Variants in DMD observed in about 807,000 individuals in gnomAD.
DMD encodes mutant dystrophin.
A neutral mutation model predicts 330.1 loss-of-function variants in DMD; 63 were observed. That is an observed-to-expected ratio of 0.19 (90% confidence interval 0.16 to 0.24). The LOEUF (loss-of-function observed/expected upper bound fraction) is 0.24, where lower values mean the gene tolerates loss of function less well. DMD is among the 10% of genes least tolerant of loss of function. The pLI is 1.00. For missense variants in DMD, 3,344 were observed against 2,684.1 expected, an observed-to-expected ratio of 1.25 and a Z score of -5.43; for synonymous variants, 1,223 against 959.8, an observed-to-expected ratio of 1.27 and a Z score of -5.07.
chrX:32,177,089 T>A (rs2096909138), intron 44 of DMD, among the ~76,000 whole-genome samples: 1 of 111,759 alleles, frequency 8.9e-6, no homozygotes. Flanking sequence ...CTAACCCCCG[T>A]CAATTACGTC....
intron 1 of DMD, among the ~76,000 whole-genome samples, chrX:33,056,657 C>T (rs948173179): frequency 1.8e-5 from 2 of 110,854 alleles, no homozygotes; most frequent in Non-Finnish European, 3.8e-5. Context: ...CCACCGCGCC[C>T]CGGCCCCCCT....
Position 31,223,058 on chromosome X carries a change from T to A in DMD, c.9350A>T (p.Lys3117Met). The A allele has an allele frequency of 1.7e-6, 2 of 1,209,674 alleles. No individual in the cohort carries two copies. Among genetic ancestry groups the A allele is most frequent in the Non-Finnish European group, 2.2e-6 (2 of 893,543 alleles). Residue 3117 changes from lysine to methionine, a missense_variant, in exon 64 of 79, where the codon AAG becomes ATG. Lys to Met is a moderately conservative substitution (Grantham distance 95, BLOSUM62 -1). Transcript: ENST00000357033. ...RTAMKLRRLQ[K>M]ALCLDLLSLS... ...TGGCCAATACTTACAGCAAAGGGCC[T>A]TCTGCAGTCTTCGGAGTTTCATGGC...
At chrX:31,963,633 G>T (rs916856522) in intron 45 of DMD, among the ~76,000 whole-genome samples, 2 of 110,737 alleles carry the variant, frequency 1.8e-5, no homozygotes, top group Admixed American at 9.7e-5. Context: ...TGAAAAAAAT[G>T]GGTAATTCTA....
At chrX:31,687,212 C>A (rs780306497) in intron 52 of DMD, among the ~76,000 whole-genome samples, 9 of 111,578 alleles carry the variant, frequency 8.1e-5, no homozygotes, top group African/African-American at 9.8e-5. Flanking sequence ...GATGTGCTGG[C>A]TTCATAGGTC....
chrX:31,246,885 C>T (rs373835169), intron 63 of DMD, among the ~76,000 whole-genome samples: 1 of 109,684 alleles, frequency 9.1e-6, no homozygotes, highest in Non-Finnish European at 1.9e-5. Context: ...AAGATCGTAC[C>T]ACTGCACTCC....
chrX:32,364,764 G>C, intron 35 of DMD, 54 bp from the exon 36 acceptor site: 1 of 1,151,789 alleles, frequency 8.7e-7, no homozygotes, highest in Non-Finnish European at 1.2e-6. Flanking sequence ...TATTCTTAAA[G>C]AATTTTTCCT....
intron 7 of DMD, among the ~76,000 whole-genome samples, chrX:32,704,098 T>A (rs2064379220): frequency 8.9e-6 from 1 of 111,896 alleles, no homozygotes; most frequent in Non-Finnish European, 1.9e-5. Context: ...TATTTGAGGA[T>A]ACTATGGAAC....
intron 18 of DMD, among the ~76,000 whole-genome samples, chrX:32,505,775 GATAA>G (rs1210440087): frequency 8.9e-6 from 1 of 111,858 alleles, no homozygotes; most frequent in African/African-American, 3.3e-5. Flanking sequence ...TAGATGAATG[GATAA>G]ATAAACTGTG....
chrX:32,267,243 T>C (rs1017705695), intron 43 of DMD, among the ~76,000 whole-genome samples: 3 of 112,378 alleles, frequency 2.7e-5, no homozygotes, highest in African/African-American at 9.7e-5. Context: ...TTCATGTCTC[T>C]CTTAAACTTT....
chrX:31,529,037 C>T (rs1400397662), intron 55 of DMD, among the ~76,000 whole-genome samples: 2 of 111,071 alleles, frequency 1.8e-5, no homozygotes, highest in African/African-American at 6.6e-5. Context: ...GCCTGGCCAA[C>T]ATGGCGAAAC....
In DMD at chrX:32,702,661, A is replaced by T. The variant is rs762319183; in HGVS notation, c.650-3368T>A. Among the ~76,000 whole-genome samples, 7 of 111,479 alleles carry T rather than the reference A, an allele frequency of 6.3e-5. No homozygotes were observed. The East Asian group carries it at 2.0e-3, about 32-fold the overall frequency. ...GTACAGAATGGATTGCTGGAGGAAA[A>T]CTTGAGAGAAATAGGAGGCTAGGAC... On this transcript the variant is annotated intron_variant, in intron 7 of 78. Transcript: ENST00000357033.
At chrX:32,581,362 C>T (rs970200557) in intron 13 of DMD, among the ~76,000 whole-genome samples, 1 of 112,160 alleles carries the variant, frequency 8.9e-6, no homozygotes, top group Non-Finnish European at 1.9e-5. Context: ...GCTCTGGTTA[C>T]TATGTAGAAA....
chrX:31,421,944 TATATATATATATATACAC>T (rs2063414048), intron 60 of DMD, among the ~76,000 whole-genome samples: 7 of 71,685 alleles, frequency 9.8e-5, no homozygotes, highest in African/African-American at 6.8e-4. Context: ...CACACACACA[TATATATATATATATACAC>T]ATATATATAT....
At chrX:33,199,074 A>T (rs1220081592) in intron 1 of DMD, among the ~76,000 whole-genome samples, 2 of 111,338 alleles carry the variant, frequency 1.8e-5, no homozygotes, top group African/African-American at 6.5e-5. Context: ...TTGATTTTTA[A>T]ATGTGTTTTG....
chrX:32,121,201 A>T (rs1378977349), intron 44 of DMD, among the ~76,000 whole-genome samples: 3 of 111,729 alleles, frequency 2.7e-5, no homozygotes, highest in Non-Finnish European at 5.6e-5. Flanking sequence ...TGAAAATAAT[A>T]ACTTGAGATC....
At chrX:31,938,819 A>G (rs1288235305) in intron 45 of DMD, among the ~76,000 whole-genome samples, 3 of 111,963 alleles carry the variant, frequency 2.7e-5, no homozygotes, top group African/African-American at 9.7e-5. Context: ...TACTTTTAAC[A>G]GTATTCTTTC....
chrX:32,828,973 T>G (rs903660696), intron 4 of DMD, among the ~76,000 whole-genome samples: 3 of 111,794 alleles, frequency 2.7e-5, no homozygotes, highest in African/African-American at 9.7e-5. Flanking sequence ...GTAGTTTTCT[T>G]TTCCTTCTTG....
At chrX:31,219,033 A>G (rs990259955) in intron 64 of DMD, among the ~76,000 whole-genome samples, 6 of 111,309 alleles carry the variant, frequency 5.4e-5, no homozygotes, top group African/African-American at 2.0e-4. Flanking sequence ...TAATCACCTG[A>G]AACTGTTCCA....
intron 55 of DMD, among the ~76,000 whole-genome samples, chrX:31,566,182 G>A (rs2075454294): frequency 9.0e-6 from 1 of 111,535 alleles, no homozygotes; most frequent in South Asian, 3.8e-4. Context: ...TAGCCCTAGA[G>A]CCTGAAGATT....
Sources: allele counts gnomAD v4.1 joint callset (sites outside exome capture counted in the v4.1 genomes callset), GRCh38; gene constraint gnomAD v4.1.1; transcripts MANE v1.5; gene names NCBI Gene and HGNC (gene_info 2026-07-23, HGNC 2026-07-21).